Variants in BRD3 observed in about 807,000 individuals in gnomAD.
BRD3 encodes bromodomain-containing protein 3.
BRD3 carries 17 observed loss-of-function variants against 66.8 expected under a neutral mutation model. The ratio of observed to expected loss-of-function variants is 0.25; its 90% confidence interval spans 0.17 to 0.38. The LOEUF is 0.38. Ranked by LOEUF, BRD3 falls within the 10% of genes least tolerant of loss-of-function variation. BRD3 has a pLI of 1.00. For synonymous variants in BRD3, 421 were observed against 393.2 expected (o/e 1.07, Z -0.84); for missense variants, 713 against 956.1 (o/e 0.75, Z 3.35).
intron 7 of BRD3, among the ~76,000 whole-genome samples, chr9:134,042,391 T>C (rs982017481): frequency 5.7e-4 from 87 of 152,218 alleles, no homozygotes; most frequent in African/African-American, 2.1e-3. Flanking sequence ...CGGAACTGAC[T>C]GCAGCATCAC....
At chr9:134,050,297 G>C in intron 5 of BRD3, 77 bp downstream of exon 5, 1 of 1,433,134 alleles carries the variant, frequency 7.0e-7, no homozygotes, top group South Asian at 1.2e-5. Context: ...GGGGCCCCCC[G>C]CCTGCTGCTC....
At chr9:134,044,658 T>G (rs1057000427) in intron 7 of BRD3, among the ~76,000 whole-genome samples, 9 of 152,134 alleles carry the variant, frequency 5.9e-5, no homozygotes, top group Non-Finnish European at 1.2e-4. Flanking sequence ...GACCTGGACT[T>G]TGGCAGAAAA....
chr9:134,060,745 G>T (rs1395816751), intron 1 of BRD3, among the ~76,000 whole-genome samples: 1 of 152,194 alleles, frequency 6.6e-6, no homozygotes, highest in Non-Finnish European at 1.5e-5. Context: ...GAGGCTCTGT[G>T]CTGGACATGG....
At chr9:134,044,927 G>T (rs939909918) in intron 7 of BRD3, among the ~76,000 whole-genome samples, 2 of 152,210 alleles carry the variant, frequency 1.3e-5, no homozygotes, top group African/African-American at 4.8e-5. Flanking sequence ...TAGTGTCCAA[G>T]CCTCTCCTTG....
Position 134,060,366 on chromosome 9 carries a change from G to A in BRD3, c.-113-6776C>T, listed in dbSNP as rs552376455. On this transcript the variant is annotated intron_variant, in intron 1 of 11. Transcript: ENST00000303407. Reference sequence around the variant, plus strand: ...GACCCCAGCACCTTGGGAGGGGCAGGAGAATCCCCTGAAACCAGGAGTTCG... The same window carrying A: ...GACCCCAGCACCTTGGGAGGGGCAGAAGAATCCCCTGAAACCAGGAGTTCG... 9.2e-5 allele frequency among the ~76,000 whole-genome samples: 14 copies of A among 152,322 alleles called. 1 individual carries two copies. The South Asian group carries it at 2.1e-3, about 23-fold the overall frequency.
chr9:134,065,224 A>C (rs1169561962), intron 1 of BRD3, among the ~76,000 whole-genome samples: 1 of 152,242 alleles, frequency 6.6e-6, no homozygotes, highest in Non-Finnish European at 1.5e-5. Flanking sequence ...GGAGTTCGAG[A>C]CCAGCCTGTC....
At chr9:134,051,440 C>T (rs927663989) in intron 4 of BRD3, 122 bp downstream of exon 4, 11 of 1,078,778 alleles carry the variant, frequency 1.0e-5, no homozygotes, top group Middle Eastern at 3.1e-4. Context: ...AGACCCGGCA[C>T]CCACGAGCTC....
rs1273846742 is a variant in BRD3 at position 134,045,072 on chromosome 9, C to T, written c.1215+221G>A. On this transcript the variant is annotated intron_variant, in intron 7 of 11. Coordinates refer to ENST00000303407, the MANE Select transcript of BRD3 (RefSeq NM_007371.4). The surrounding 1 kb of genome is among the most constrained non-coding windows in gnomAD (Gnocchi z 4.8). ...GACACCCCCACAGAGCCCCAGTGGT[C>T]CCACCTGCTCGCTGGCTGCCCTGCC... Among the ~76,000 whole-genome samples, 1 of 152,184 alleles carries T rather than the reference C, an allele frequency of 6.6e-6. No individual in the cohort carries two copies. Among genetic ancestry groups the T allele is most frequent in the Non-Finnish European group, 1.5e-5 (1 of 68,022 alleles).
In BRD3 at chr9:134,030,882, C is replaced by T. The variant is rs558813741; in HGVS notation, c.*2708G>A. On this transcript the variant is annotated 3_prime_UTR_variant, in exon 12 of 12. Coordinates refer to ENST00000303407, the MANE Select transcript of BRD3 (RefSeq NM_007371.4). The stretch of plus-strand genomic sequence containing the variant: ...AATCCAATTCCGACACACGACTTGT[C>T]ACTACTCCTCTCCCCTTGAAAAAAG... 2.2e-5 allele frequency: 5 copies of T among 232,250 alleles called. No individual in the cohort carries two copies. Among genetic ancestry groups the T allele is most frequent in the Admixed American group, 5.6e-5 (1 of 17,750 alleles). 14.4% of individuals were successfully genotyped at this position (232,250 alleles called of 1,614,324 possible).
chr9:134,042,055 G>T, intron 7 of BRD3, 104 bp from the exon 8 acceptor site: 1 of 1,291,914 alleles, frequency 7.7e-7, no homozygotes, highest in Non-Finnish European at 1.0e-6. Flanking sequence ...AGCACCCACA[G>T]CTGTTACGAA....
upstream of BRD3, chr9:134,068,134 G>C (rs1468137823): frequency 1.4e-5 from 2 of 143,444 alleles, no homozygotes; most frequent in Non-Finnish European, 3.1e-5. Flanking sequence ...GGCCGCGGGC[G>C]CGCGGACTAC....
rs1399191167 is a variant in BRD3, at chr9:134,040,200, CCTT to C, written c.1474_1476del (p.Lys492del). ...TTCTTCTTCTCCTTCTCCTTCTTCT[CCTT>C]CTTCTTCTTTGGTTTGTTTACTGGG... On this transcript the variant is annotated inframe_deletion, in exon 9 of 12. Transcript: ENST00000303407. 2.7e-5 allele frequency: 43 copies of C among 1,577,902 alleles called. No homozygotes were observed. The highest frequency in any genetic ancestry group is 3.2e-5 in the Non-Finnish European group (37 of 1,162,094).
Position 134,045,261 on chromosome 9 carries a change from A to G in BRD3, c.1215+32T>C, listed in dbSNP as rs1304974108. 2 of 1,612,064 alleles carry G rather than the reference A, an allele frequency of 1.2e-6. No homozygotes were observed. The highest frequency in any genetic ancestry group is 2.2e-5 in the South Asian group (2 of 91,030). ...CCAGGATGCCCACAGCACTGAGCTG[A>G]GCAGCCCCACCCGTGCCCAGCCTCG... On this transcript the variant is annotated intron_variant, in intron 7 of 11. Coordinates refer to ENST00000303407, the MANE Select transcript of BRD3 (RefSeq NM_007371.4). This position sits in a 1 kb window ranked among gnomAD's most constrained non-coding sequence, Gnocchi z 4.8.
In BRD3 at chr9:134,044,477, T is replaced by C. The variant is rs548144875; in HGVS notation, c.1215+816A>G. On this transcript the variant is annotated intron_variant, in intron 7 of 11. Coordinates refer to ENST00000303407, the MANE Select transcript of BRD3 (RefSeq NM_007371.4). ...GGTCCCGTGAAAAGGAAAAGCATGCTGGAAGAGAACACATACCCATAATTC... is the reference window on the plus strand; with the variant it reads ...GGTCCCGTGAAAAGGAAAAGCATGCCGGAAGAGAACACATACCCATAATTC... 4.5e-4 allele frequency among the ~76,000 whole-genome samples: 68 copies of C among 152,328 alleles called. 1 individual carries two copies. Among genetic ancestry groups the C allele is most frequent in the African/African-American group, 1.6e-3 (65 of 41,572 alleles).
intron 8 of BRD3, 105 bp downstream of exon 8, chr9:134,041,655 G>T: frequency 7.3e-7 from 1 of 1,373,444 alleles, no homozygotes; most frequent in Non-Finnish European, 9.8e-7. Flanking sequence ...GGCTGCTGAG[G>T]GACAGGGGCA....
chr9:134,051,877 GTTGTTTTTTTTGTTTTTT>G (rs1554829367), intron 3 of BRD3, among the ~76,000 whole-genome samples, 168 bp from the exon 4 acceptor site: 2 of 92,742 alleles, frequency 2.2e-5, no homozygotes, highest in Non-Finnish European at 4.0e-5. Flanking sequence ...GTGTGTGTGT[GTTGTTTTTTTTGTTTTTT>G]TTTTTTTTTT....
At chr9:134,063,629 T>C (rs542990843) in intron 1 of BRD3, among the ~76,000 whole-genome samples, 1 of 152,236 alleles carries the variant, frequency 6.6e-6, no homozygotes, top group African/African-American at 2.4e-5. Flanking sequence ...TCTCGGTCAG[T>C]GCTCACACGG....
chr9:134,049,157 C>T (rs916917307), intron 5 of BRD3, among the ~76,000 whole-genome samples: 25 of 152,080 alleles, frequency 1.6e-4, no homozygotes, highest in African/African-American at 5.6e-4. Flanking sequence ...GTCCTGGGGA[C>T]GGAGCCAGGC....
In BRD3 at chr9:134,040,027, A is replaced by T; in HGVS notation, c.1643+7T>A. ...GCTCTTGGAGCCCGAGCAGGTCTGG[A>T]GCCCACCTGCCGGCCGTGGTCGTGC... On this transcript the variant is annotated splice_region_variant and intron_variant, in intron 9 of 11. Transcript: ENST00000303407. 6.3e-7 allele frequency: 1 copy of T among 1,583,518 alleles called. No individual in the cohort carries two copies.
Sources: gnomAD v4.1 joint callset for allele counts (sites outside exome capture counted in the v4.1 genomes callset) on GRCh38, gnomAD v4.1.1 for gene constraint, Gnocchi (gnomAD v3.1) non-coding constraint, MANE v1.5 for transcripts, NCBI Gene and HGNC (gene_info 2026-07-23, HGNC 2026-07-21) for gene names.